Variants in DPP10 observed in about 807,000 individuals in gnomAD.
The protein encoded by DPP10 is dipeptidyl peptidase like 10.
A neutral mutation model predicts 120.9 loss-of-function variants in DPP10; 33 were observed. The ratio of observed to expected loss-of-function variants is 0.27; its 90% confidence interval spans 0.21 to 0.37. DPP10 has a LOEUF of 0.37. DPP10 is among the 10% of genes least tolerant of loss of function. DPP10 has a pLI of 1.00. For missense variants in DPP10, 816 were observed against 942.8 expected (o/e 0.87, Z 1.76); for synonymous variants, 337 against 326.1 (o/e 1.03, Z -0.36).
chr2:114,774,665 G>A (rs1221185783), intron 1 of DPP10, among the ~76,000 whole-genome samples: 1 of 145,152 alleles, frequency 6.9e-6, no homozygotes, highest in African/African-American at 2.5e-5. Context: ...CAATAATGAT[G>A]TATATATATA....
chr2:115,689,868 G>A lies in DPP10; in HGVS notation c.523G>A (p.Val175Ile), dbSNP rs768098436. The stretch of plus-strand genomic sequence containing the variant: ...AGTTTGGGAGTTAAATCCTCCAGAA[G>A]TAGAGGACTCCGTCTTGCAGTACGC... Reference protein sequence around the residue: ...REVWELNPPEVEDSVLQYAAW... With the variant: ...REVWELNPPEIEDSVLQYAAW... The change falls in exon 7 of 26, where the codon GTA becomes ATA. Residue 175 changes from valine to isoleucine, a missense_variant. Physicochemically the swap from Val to Ile is conservative, Grantham distance 29. Around this residue, in one of 3 missense-constraint regions of DPP10, gnomAD observed 182 missense variants for 207.4 expected, o/e 0.88. Transcript: ENST00000410059. 1.2e-6 allele frequency: 2 copies of A among 1,613,864 alleles called. No homozygotes were observed. The highest frequency in any genetic ancestry group is 2.2e-5 in the East Asian group (1 of 44,844).
chr2:115,436,393 C>T (rs2071493269), intron 3 of DPP10, among the ~76,000 whole-genome samples: 1 of 101,824 alleles, frequency 9.8e-6, no homozygotes, highest in Non-Finnish European at 2.5e-5. Flanking sequence ...AAGCACATTG[C>T]AAAAAGATTT....
At chr2:115,537,061 A>G (rs2078893466) in intron 5 of DPP10, among the ~76,000 whole-genome samples, 1 of 152,064 alleles carries the variant, frequency 6.6e-6, no homozygotes, top group African/African-American at 2.4e-5. Flanking sequence ...ATCTATTCAC[A>G]GGTAGTTTAT....
chr2:114,680,961 A>T (rs565528175), intron 1 of DPP10, among the ~76,000 whole-genome samples: 2 of 151,906 alleles, frequency 1.3e-5, no homozygotes, highest in Admixed American at 1.3e-4. Flanking sequence ...CTCATTTAAG[A>T]TTCTCTTTTC....
intron 1 of DPP10, among the ~76,000 whole-genome samples, chr2:114,986,447 C>T (rs1226803934): frequency 1.3e-5 from 2 of 152,144 alleles, no homozygotes; most frequent in Non-Finnish European, 2.9e-5. Context: ...ATATCATTTA[C>T]ACCTGCTTCC....
chr2:114,902,115 T>G (rs2106634655), intron 1 of DPP10, among the ~76,000 whole-genome samples: 1 of 152,352 alleles, frequency 6.6e-6, no homozygotes, highest in South Asian at 2.1e-4. Context: ...GAAATGTTTC[T>G]GTTCATTCCT....
intron 1 of DPP10, among the ~76,000 whole-genome samples, chr2:114,975,736 G>A (rs2036780): frequency 0.43 from 64,873 of 151,712 alleles, 14,165 homozygotes; most frequent in Middle Eastern, 0.52. Flanking sequence ...CTGCAACTTC[G>A]ACCTCCTGGG....
intron 5 of DPP10, among the ~76,000 whole-genome samples, chr2:115,648,887 A>G (rs913998038): frequency 6.6e-6 from 1 of 152,000 alleles, no homozygotes; most frequent in Non-Finnish European, 1.5e-5. Flanking sequence ...TAGCAGGGGT[A>G]GAAGGAGCCA....
chr2:115,834,166 T>A (rs1689211763), intron 21 of DPP10, among the ~76,000 whole-genome samples: 1 of 152,240 alleles, frequency 6.6e-6, no homozygotes, highest in Non-Finnish European at 1.5e-5. Context: ...ATATATGCTA[T>A]CTCAGTCCAT....
chr2:115,739,834 G>A lies in DPP10; in HGVS notation c.793G>A (p.Val265Ile). The A allele has an allele frequency of 1.9e-6, 3 of 1,613,510 alleles. No individual in the cohort carries two copies. Among genetic ancestry groups the A allele is most frequent in the Non-Finnish European group, 2.5e-6 (3 of 1,179,566 alleles). ...MINDSLVPTM[V>I]IPRFTGALYP... Reference sequence around the variant, plus strand: ...AAATGACTCTTTGGTACCCACCATGGTTATCCCTCGGTTTACTGGAGCGTT... The same window carrying A: ...AAATGACTCTTTGGTACCCACCATGATTATCCCTCGGTTTACTGGAGCGTT... Residue 265 changes from valine to isoleucine, a missense_variant, in exon 9 of 26, where the codon GTT becomes ATT. Physicochemically the swap from Val to Ile is conservative, Grantham distance 29 (BLOSUM62 3). Transcript: ENST00000410059.
intron 1 of DPP10, among the ~76,000 whole-genome samples, chr2:114,767,796 G>A (rs1680869112): frequency 1.3e-5 from 2 of 152,108 alleles, no homozygotes; most frequent in African/African-American, 4.8e-5. Flanking sequence ...CTAGTAAATA[G>A]GCAAGACTAC....
chr2:115,571,020 C>T (rs1366477647), intron 5 of DPP10, among the ~76,000 whole-genome samples: 1 of 152,172 alleles, frequency 6.6e-6, no homozygotes, highest in Non-Finnish European at 1.5e-5. Context: ...AATGCAGAGG[C>T]AGTCACTTGC....
intron 9 of DPP10, among the ~76,000 whole-genome samples, chr2:115,740,296 A>T (rs1031938890): frequency 1.3e-5 from 2 of 152,080 alleles, no homozygotes; most frequent in Non-Finnish European, 1.5e-5. Context: ...TTAAAAAAAA[A>T]TCTAGCTTCT....
Position 115,199,005 on chromosome 2 carries a change from A to G in DPP10, c.61-110234A>G, listed in dbSNP as rs534318465. ...CTATTTACATCTCCAAACATTTGCA[A>G]TCCTTATAAAAAACATGGTAGAGGC... On this transcript the variant is annotated intron_variant, in intron 1 of 25. Coordinates refer to ENST00000410059, the MANE Select transcript of DPP10 (RefSeq NM_020868.6). Among the ~76,000 whole-genome samples the G allele has an allele frequency of 9.2e-5, 14 of 152,280 alleles. No homozygotes were observed. In the East Asian group the frequency reaches 2.1e-3, roughly 23 times the overall value.
At chr2:115,367,514 C>T (rs533301333) in intron 3 of DPP10, among the ~76,000 whole-genome samples, 1 of 152,082 alleles carries the variant, frequency 6.6e-6, no homozygotes, top group African/African-American at 2.4e-5. Context: ...TATTAACTAT[C>T]ATATGACTTT....
At chr2:114,843,631 A>G (rs1289322395) in intron 1 of DPP10, among the ~76,000 whole-genome samples, 1 of 152,118 alleles carries the variant, frequency 6.6e-6, no homozygotes, top group Non-Finnish European at 1.5e-5. Flanking sequence ...AGCTTCAATC[A>G]TATCTCTGCT....
At chr2:114,505,441 T>G (rs1683564733) in intron 1 of DPP10, among the ~76,000 whole-genome samples, 1 of 152,060 alleles carries the variant, frequency 6.6e-6, no homozygotes. Context: ...GAGAGCACCT[T>G]TCTCAAATGA....
chr2:115,131,206 G>C (rs1447174309), intron 1 of DPP10: 4 of 152,120 alleles, frequency 2.6e-5, no homozygotes, highest in Non-Finnish European at 5.9e-5. Flanking sequence ...AGATGAACAT[G>C]AAGCAAAATT....
At chr2:115,125,203 A>T (rs10496485) in intron 1 of DPP10, among the ~76,000 whole-genome samples, 24,981 of 152,156 alleles carry the variant, frequency 0.16, 2,235 homozygotes, top group Non-Finnish European at 0.19. Context: ...AGATCAGTAA[A>T]ATACAAGGAT....
Sources: allele counts gnomAD v4.1 joint callset (sites outside exome capture counted in the v4.1 genomes callset), GRCh38; gene constraint gnomAD v4.1.1; regional missense constraint gnomAD v4.1.1; transcripts MANE v1.5; gene names NCBI Gene and HGNC (gene_info 2026-07-23, HGNC 2026-07-21).